C17orf107: variants seen among roughly 807,000 people sequenced by gnomAD.
C17orf107 encodes the protein uncharacterized protein C17orf107.
Under a neutral mutation model 8.9 loss-of-function variants are expected in C17orf107, and 9 were observed. The ratio of observed to expected loss-of-function variants is 1.02; its 90% CI spans 0.61 to 1.77. The LOEUF (loss-of-function observed/expected upper bound fraction) is 1.77, where lower values mean the gene tolerates loss of function less well. C17orf107 is among the 40% of genes most tolerant of loss of function. C17orf107 has a pLI of 0.00. For missense variants in C17orf107, 281 were observed against 249.0 expected (o/e 1.13, Z -0.86); for synonymous variants, 139 against 120.3 (o/e 1.16, Z -1.02).
Position 4,902,412 on chromosome 17 carries a change from T to A in C17orf107, c.*1879T>A. The A allele has an allele frequency of 6.2e-7, 1 of 1,614,144 alleles. No individual in the cohort carries two copies. On this transcript the variant is annotated 3_prime_UTR_variant, in exon 3 of 3. Coordinates refer to ENST00000381365, the MANE Select transcript of C17orf107 (RefSeq NM_001145536.2). The surrounding 1 kb of genome is among the most constrained non-coding windows in gnomAD (Gnocchi z 4.0). Reference sequence around the variant, plus strand: ...GGGGTTTGGGGGAAAAGGGGTGCCCTGGACAAGACCTCACACCATTCCCCA... The same window carrying A: ...GGGGTTTGGGGGAAAAGGGGTGCCCAGGACAAGACCTCACACCATTCCCCA...
chr17:4,904,215 G>T (rs374810666), downstream of C17orf107, among the ~76,000 whole-genome samples: 10 of 151,768 alleles, frequency 6.6e-5, no homozygotes, highest in East Asian at 5.8e-4. Context: ...AGGGGGTGGG[G>T]GGACAGGATC....
Position 4,900,891 on chromosome 17 carries a change from G to A in C17orf107, c.*358G>A, listed in dbSNP as rs887770442. The stretch of plus-strand genomic sequence containing the variant: ...CGAGCAGGACGTTGATGGAGACCGT[G>A]CATTTCTGGCCGCCGGCTGGAGGGA... On this transcript the variant is annotated 3_prime_UTR_variant, in exon 3 of 3. Coordinates refer to ENST00000381365, the MANE Select transcript of C17orf107 (RefSeq NM_001145536.2). 6 of 1,614,078 alleles carry A rather than the reference G, an allele frequency of 3.7e-6. No individual in the cohort carries two copies. The highest frequency in any genetic ancestry group is 5.1e-6 in the Non-Finnish European group (6 of 1,180,018).
downstream of C17orf107, among the ~76,000 whole-genome samples, chr17:4,904,863 G>T (rs1248813976): frequency 6.6e-6 from 1 of 152,170 alleles, no homozygotes; most frequent in Non-Finnish European, 1.5e-5. Context: ...CTTGTGTAAA[G>T]CCTCTGTTTC....
rs1479728021 is a variant in C17orf107, at chr17:4,901,105, G to C, written c.*572G>C. 1.2e-6 allele frequency: 2 copies of C among 1,613,424 alleles called. No individual in the cohort carries two copies. Among genetic ancestry groups the C allele is most frequent in the Non-Finnish European group, 1.7e-6 (2 of 1,179,940 alleles). ...GGCGGATGATGAGCGAGTAGATGACGTCAGTCTCCCCTGGGCCGTCGGTGG... is the reference window on the plus strand; with the variant it reads ...GGCGGATGATGAGCGAGTAGATGACCTCAGTCTCCCCTGGGCCGTCGGTGG... On this transcript the variant is annotated 3_prime_UTR_variant, in exon 3 of 3. Coordinates refer to ENST00000381365, the MANE Select transcript of C17orf107 (RefSeq NM_001145536.2).
At chr17:4,903,140 G>T, downstream of C17orf107, 2 of 1,455,572 alleles carry the variant, frequency 1.4e-6, no homozygotes, top group South Asian at 1.2e-5. Context: ...TGTGTGAGGG[G>T]GAGGAGGGTG....
chr17:4,902,673 T>C lies in C17orf107; in HGVS notation c.*2140T>C. On this transcript the variant is annotated 3_prime_UTR_variant, in exon 3 of 3. Transcript: ENST00000381365. The surrounding 1 kb of genome is among the most constrained non-coding windows in gnomAD (Gnocchi z 4.0). ...CTTGAGGCTGATGGTGACAGTATCC[T>C]CAGGCTCCCGCACTGGCCGGCTTCC... is the stretch of plus-strand genomic sequence containing the variant. 2 of 1,613,830 alleles carry C rather than the reference T, an allele frequency of 1.2e-6. No individual in the cohort carries two copies. Among genetic ancestry groups the C allele is most frequent in the Non-Finnish European group, 1.7e-6 (2 of 1,179,928 alleles).
At chr17:4,903,144 G>T, downstream of C17orf107, 1 of 1,411,250 alleles carries the variant, frequency 7.1e-7, no homozygotes, top group Non-Finnish European at 1.0e-6. Flanking sequence ...TGAGGGGGAG[G>T]AGGGTGTTAG....
downstream of C17orf107, among the ~76,000 whole-genome samples, chr17:4,906,670 T>C (rs1970096026): frequency 1.3e-5 from 2 of 151,934 alleles, no homozygotes; most frequent in African/African-American, 4.8e-5. Flanking sequence ...CTGGGCAATA[T>C]AGTGAGACCT....
chr17:4,902,693 G>T lies in C17orf107; in HGVS notation c.*2160G>T, dbSNP rs1970031660. On this transcript the variant is annotated 3_prime_UTR_variant, in exon 3 of 3. Transcript: ENST00000381365. The surrounding 1 kb of genome is among the most constrained non-coding windows in gnomAD (Gnocchi z 4.0). ...TATCCTCAGGCTCCCGCACTGGCCGGCTTCCTGGGTCATAGTTGTTGAAGA... is the reference window on the plus strand; with the variant it reads ...TATCCTCAGGCTCCCGCACTGGCCGTCTTCCTGGGTCATAGTTGTTGAAGA... 1 of 1,614,010 alleles carries T rather than the reference G, an allele frequency of 6.2e-7. No individual in the cohort carries two copies. Among genetic ancestry groups the T allele is most frequent in the African/African-American group, 1.3e-5 (1 of 74,878 alleles).
At position 4,900,236 on chromosome 17, in the gene C17orf107, G is replaced by A. The variant is rs1969933775; in HGVS notation, c.277-1G>A. ...CGCTAACCCCTGTGCCCCCAATGCA[G>A]ATCTCAGCCCTGTGGCTGCAGCAGG... On this transcript the variant is annotated splice_acceptor_variant, in intron 2 of 2. Transcript: ENST00000381365. LOFTEE classifies it high-confidence loss of function. 6 of 1,547,220 alleles carry A rather than the reference G, an allele frequency of 3.9e-6. No individual in the cohort carries two copies. The South Asian group carries it at 6.0e-5, about 15-fold the overall frequency.
rs55770091 is a variant in C17orf107 at position 4,902,744 on chromosome 17, G to A, written c.*2211G>A. ...GATGGTGATAAAGACGCAGTTCCTC[G>A]TTCTTCCCCACACCCCTGCCTGCGA... On this transcript the variant is annotated 3_prime_UTR_variant, in exon 3 of 3. Transcript: ENST00000381365. The surrounding 1 kb of genome is among the most constrained non-coding windows in gnomAD (Gnocchi z 4.0). 185 of 1,613,974 alleles carry A rather than the reference G, an allele frequency of 1.1e-4. No homozygotes were observed. In the Admixed American group the frequency reaches 1.6e-3, roughly 14 times the overall value.
rs1037699104 is a variant in C17orf107 at position 4,899,610 on chromosome 17, C to G, written c.-153C>G. 1 of 1,515,618 alleles carries G rather than the reference C, an allele frequency of 6.6e-7. No homozygotes were observed. The highest frequency in any genetic ancestry group is 1.4e-5 in the African/African-American group (1 of 72,896). The allele number at this position is 1,515,618 out of a possible 1,614,324, so 93.9% of individuals were successfully genotyped here. ...GAGGAGCCCGGAAGGCATGACATCA[C>G]CGTTCCTCCTCCCAGCTACCGAAGG... On this transcript the variant is annotated 5_prime_UTR_variant, in exon 1 of 3. Transcript: ENST00000381365.
chr17:4,899,869 T>A (rs1336070304), intron 1 of C17orf107, 41 bp downstream of exon 1: 5 of 1,542,994 alleles, frequency 3.2e-6, no homozygotes, highest in Non-Finnish European at 2.6e-6. Context: ...CGAGACCTTC[T>A]GGGTAGGTCT....
At position 4,901,787 on chromosome 17, in the gene C17orf107, C is replaced by T. The variant is rs929595409; in HGVS notation, c.*1254C>T. 4 of 1,340,574 alleles carry T rather than the reference C, an allele frequency of 3.0e-6. No individual in the cohort carries two copies. The African/African-American group carries it at 5.8e-5, about 19-fold the overall frequency. 83.0% of individuals were successfully genotyped at this position (1,340,574 alleles called of 1,614,324 possible). On this transcript the variant is annotated 3_prime_UTR_variant, in exon 3 of 3. Transcript: ENST00000381365. ...CTGTTCCCATCTGTACCTCCGGCCG[C>T]GCTGGAGCGTCCCACCCAGTGCCTA... is the stretch of plus-strand genomic sequence containing the variant.
chr17:4,901,582 C>T lies in C17orf107; in HGVS notation c.*1049C>T. 2 of 1,614,160 alleles carry T rather than the reference C, an allele frequency of 1.2e-6. No homozygotes were observed. The highest frequency in any genetic ancestry group is 1.7e-6 in the Non-Finnish European group (2 of 1,179,996). ...TTGATGGTCTTGCCGTCGTTGTCTA[C>T]GGCAAAAGTGAACTCCACCTCTTCG... On this transcript the variant is annotated 3_prime_UTR_variant, in exon 3 of 3. Transcript: ENST00000381365.
rs1288113424 is a variant in C17orf107 at position 4,901,721 on chromosome 17, TCCCAAGCCCACCCCTTCA to T, written c.*1199_*1216del. 7.4e-6 allele frequency: 10 copies of T among 1,344,942 alleles called. No homozygotes were observed. Among genetic ancestry groups the T allele is most frequent in the Non-Finnish European group, 1.1e-5 (10 of 951,172 alleles). 83.3% of individuals were successfully genotyped at this position (1,344,942 alleles called of 1,614,324 possible). A position where few individuals can be genotyped will look rare whatever the true frequency, so the allele number is the denominator to read the frequency against. On this transcript the variant is annotated 3_prime_UTR_variant, in exon 3 of 3. Transcript: ENST00000381365. The stretch of plus-strand genomic sequence containing the variant: ...AAGCTGGGATCTAGCGGGGCCGCGA[TCCCAAGCCCACCCCTTCA>T]CCCAAGCCCAGCCCGCACGCCTCTG...
rs1970021887 is a variant in C17orf107, at chr17:4,902,404, G to C, written c.*1871G>C. The C allele has an allele frequency of 6.2e-7, 1 of 1,613,880 alleles. No individual in the cohort carries two copies. The highest frequency in any genetic ancestry group is 1.7e-5 in the Admixed American group (1 of 60,010). ...GCCTGGGAGGGGTTTGGGGGAAAAGGGGTGCCCTGGACAAGACCTCACACC... is the reference window on the plus strand; with the variant it reads ...GCCTGGGAGGGGTTTGGGGGAAAAGCGGTGCCCTGGACAAGACCTCACACC... On this transcript the variant is annotated 3_prime_UTR_variant, in exon 3 of 3. Transcript: ENST00000381365. The surrounding 1 kb of genome is among the most constrained non-coding windows in gnomAD (Gnocchi z 4.0).
At chr17:4,899,909 TA>T (rs1969911095) in intron 1 of C17orf107, 26 bp from the exon 2 acceptor site, 1 of 1,549,730 alleles carries the variant, frequency 6.5e-7, no homozygotes, top group African/African-American at 1.4e-5. Context: ...CCTGCCCTGC[TA>T]CTCTACTGCT....
downstream of C17orf107, among the ~76,000 whole-genome samples, chr17:4,903,889 G>A (rs1321011838): frequency 2.6e-5 from 4 of 152,154 alleles, no homozygotes; most frequent in African/African-American, 7.2e-5. Context: ...ACCAAGTCTC[G>A]CTCTGGCGCC....
Sources: gnomAD v4.1 joint callset for allele counts (sites outside exome capture counted in the v4.1 genomes callset) on GRCh38, gnomAD v4.1.1 for gene constraint, Gnocchi (gnomAD v3.1) non-coding constraint, MANE v1.5 for transcripts, NCBI Gene and HGNC (gene_info 2026-07-23, HGNC 2026-07-21) for gene names.